MROH2B: variants seen among roughly 807,000 people sequenced by gnomAD.
MROH2B encodes the protein maestro heat-like repeat-containing protein family member 2B.
MROH2B carries 177 observed loss-of-function variants against 208.6 expected under a neutral mutation model. The observed-to-expected ratio is 0.85, with a 90% CI of 0.75 to 0.96. MROH2B has a LOEUF of 0.96. MROH2B is among the 40% of genes least tolerant of loss of function. The pLI is 0.00. For synonymous variants in MROH2B, 728 were observed against 659.0 expected, an observed-to-expected ratio of 1.10 and a Z score of -1.60; for missense variants, 2,002 against 1,878.7, an observed-to-expected ratio of 1.07 and a Z score of -1.21.
chr5:41,007,348 T>G lies in MROH2B; in HGVS notation c.3715A>C (p.Ser1239Arg). The G allele has an allele frequency of 6.5e-7, 1 of 1,533,144 alleles. No individual in the cohort carries two copies. Among genetic ancestry groups the G allele is most frequent in the Non-Finnish European group, 8.8e-7 (1 of 1,137,264 alleles). 95.0% of individuals were successfully genotyped at this position (1,533,144 alleles called of 1,614,324 possible). ...DNLWTLLSSP[S>R]THHIGVCSLA... ...GAACATACGCCTATGTGGTGGGTAC[T>G]AGGACTGCTGAGTAGAGTCCATAAG... Residue 1239 changes from serine to arginine, a missense_variant, in exon 34 of 42, where the codon AGT becomes CGT. Coordinates refer to ENST00000399564, the MANE Select transcript of MROH2B (RefSeq NM_173489.5).
At position 41,004,841 on chromosome 5, in the gene MROH2B, G is replaced by A. The variant is rs374634304; in HGVS notation, c.3944C>T (p.Ser1315Phe). The stretch of plus-strand genomic sequence containing the variant: ...GGCCATCTGCCTCAGAGTGGCGTTG[G>A]AGTCCCAGGCACTTTGATCCATCAA... Reference protein sequence around the residue: ...LILMDQSAWDSNATLRQMAIR... With the variant: ...LILMDQSAWDFNATLRQMAIR... Residue 1315 changes from serine (S) to phenylalanine (F), a missense_variant, in exon 36 of 42, where the codon TCC becomes TTC. Ser to Phe is a radical substitution (Grantham distance 155, BLOSUM62 -2). Transcript: ENST00000399564. The A allele has an allele frequency of 1.2e-6, 2 of 1,613,932 alleles. No individual in the cohort carries two copies. The highest frequency in any genetic ancestry group is 1.3e-5 in the African/African-American group (1 of 74,950).
intron 17 of MROH2B, among the ~76,000 whole-genome samples, chr5:41,046,071 G>A (rs747428178): frequency 3.9e-5 from 6 of 152,058 alleles, no homozygotes; most frequent in Non-Finnish European, 8.8e-5. Context: ...AAGATACACA[G>A]AATGTGGAAA....
chr5:40,999,720 G>A lies in MROH2B; in HGVS notation c.4542C>T (p.Thr1514=). 3.1e-6 allele frequency: 5 copies of A among 1,613,676 alleles called. No individual in the cohort carries two copies. The highest frequency in any genetic ancestry group is 4.2e-6 in the Non-Finnish European group (5 of 1,179,674). ...CACTCCTGATCACCTCCCAGGTGCT[G>A]GTGAAGAAGGTGAAGGAGTGTGTGT... is the stretch of plus-strand genomic sequence containing the variant. ...ILHTHSFTFF[T]STWEVIRSAA... The change falls in exon 40 of 42, where the codon ACC becomes ACT. Residue 1514 remains threonine (T), a synonymous_variant. Coordinates refer to ENST00000399564, the MANE Select transcript of MROH2B (RefSeq NM_173489.5).
In MROH2B at chr5:41,025,619, G is replaced by A. The variant is rs550316053; in HGVS notation, c.2442-6601C>T. Among the ~76,000 whole-genome samples, 233 of 152,220 alleles carry A rather than the reference G, an allele frequency of 1.5e-3. 1 individual carries two copies. The highest frequency in any genetic ancestry group is 5.4e-3 in the African/African-American group (225 of 41,528). ...TCTACCAGAGGTACAAGGAGGAGCCGGTACCATTCCTTCTGAAACTATTCC... is the reference window on the plus strand; with the variant it reads ...TCTACCAGAGGTACAAGGAGGAGCCAGTACCATTCCTTCTGAAACTATTCC... On this transcript the variant is annotated intron_variant, in intron 24 of 41. Transcript: ENST00000399564.
At position 41,024,626 on chromosome 5, in the gene MROH2B, T is replaced by C. The variant is rs563918491; in HGVS notation, c.2442-5608A>G. On this transcript the variant is annotated intron_variant, in intron 24 of 41. Transcript: ENST00000399564. ...CCACTGTCAACATTAGACAGATCAA[T>C]AAGACAGAAAGTTAACAAGGATATC... 3.2e-3 allele frequency among the ~76,000 whole-genome samples: 488 copies of C among 152,184 alleles called. 2 individuals are homozygous for C. Among genetic ancestry groups the C allele is most frequent in the African/African-American group, 0.011 (462 of 41,534 alleles).
intron 7 of MROH2B, among the ~76,000 whole-genome samples, chr5:41,057,563 C>CTTTTTTTTTTTTTTTTTTCTTTTTT (rs776904759): frequency 1.5e-4 from 11 of 73,252 alleles, no homozygotes; most frequent in Admixed American, 7.0e-4. Context: ...AATATCCCTC[C>CTTTTTTTTTTTTTTTTTTCTTTTTT]TTTTTTTTTT....
At chr5:41,054,556 T>A (rs1257680782) in intron 11 of MROH2B, among the ~76,000 whole-genome samples, 3 of 152,250 alleles carry the variant, frequency 2.0e-5, no homozygotes, top group African/African-American at 7.2e-5. Context: ...AAAATCTTCT[T>A]CTTTTCACTG....
At chr5:41,040,168 G>A (rs1015234624) in intron 19 of MROH2B, among the ~76,000 whole-genome samples, 2 of 152,104 alleles carry the variant, frequency 1.3e-5, no homozygotes, top group Admixed American at 6.6e-5. Flanking sequence ...TTTTCAGCTT[G>A]AATTGACTGA....
At chr5:41,003,411 A>G (rs775706028) in intron 37 of MROH2B, among the ~76,000 whole-genome samples, 1 of 152,212 alleles carries the variant, frequency 6.6e-6, no homozygotes, top group Non-Finnish European at 1.5e-5. Context: ...ACTAAAATCT[A>G]GAGGTTCATA....
chr5:41,044,627 C>T (rs1394170092), intron 18 of MROH2B, among the ~76,000 whole-genome samples: 1 of 152,098 alleles, frequency 6.6e-6, no homozygotes, highest in African/African-American at 2.4e-5. Context: ...GCATTACTCG[C>T]CAAATTTTCC....
rs781659189 is a variant in MROH2B at position 41,047,730 on chromosome 5, C to T, written c.1719G>A (p.Met573Ile). 14 of 1,595,066 alleles carry T rather than the reference C, an allele frequency of 8.8e-6. No homozygotes were observed. Among genetic ancestry groups the T allele is most frequent in the Non-Finnish European group, 1.2e-5 (14 of 1,169,908 alleles). The change falls in exon 17 of 42, where the codon ATG becomes ATA. Residue 573 changes from methionine (M) to isoleucine (I), a missense_variant. Coordinates refer to ENST00000399564, the MANE Select transcript of MROH2B (RefSeq NM_173489.5). ...KNISTVLWETMLLQLLKESLW... is the reference protein window; with the variant it reads ...KNISTVLWETILLQLLKESLW... ...TAGAAGCCAGCCTTACCTGAAGCAGCATGGTTTCCCATAGAACGGTACTGA... is the reference window on the plus strand; with the variant it reads ...TAGAAGCCAGCCTTACCTGAAGCAGTATGGTTTCCCATAGAACGGTACTGA...
rs566162189 is a variant in MROH2B, at chr5:41,058,090, G to C, written c.729C>G (p.Asp243Glu). 17 of 1,601,062 alleles carry C rather than the reference G, an allele frequency of 1.1e-5. No individual in the cohort carries two copies. The South Asian group carries it at 1.9e-4, about 18-fold the overall frequency. ...QVPWLLNQYK[D>E]KEIDFHVTQS... is the part of the protein sequence containing the mutation. The stretch of plus-strand genomic sequence containing the variant: ...GAGTGACATGGAAATCAATCTCTTT[G>C]TCTTTATACTGGTTCAGGAGCCAGG... Residue 243 changes from aspartate (D) to glutamate (E), a missense_variant, in exon 7 of 42, where the codon GAC becomes GAG. Transcript: ENST00000399564.
Position 41,010,024 on chromosome 5 carries a change from T to C in MROH2B, c.3191A>G (p.Glu1064Gly), listed in dbSNP as rs375537851. The C allele has an allele frequency of 1.8e-5, 29 of 1,613,798 alleles. No individual in the cohort carries two copies. In the Admixed American group the frequency reaches 2.8e-4, roughly 16 times the overall value. ...TTCTAGAATGAACTGAAAACTTTCTTCTTTTTGTCTGAGGACTGGCATGTG... is the reference window on the plus strand; with the variant it reads ...TTCTAGAATGAACTGAAAACTTTCTCCTTTTTGTCTGAGGACTGGCATGTG... Reference protein sequence around the residue: ...YHHMPVLRQKEESFQFILEAI... With the variant: ...YHHMPVLRQKGESFQFILEAI... The change falls in exon 31 of 42, where the codon GAA becomes GGA. Residue 1064 changes from glutamate to glycine, a missense_variant. Physicochemically the swap from Glu to Gly is moderately conservative, Grantham distance 98. Transcript: ENST00000399564.
chr5:40,999,586 A>T, intron 40 of MROH2B, 91 bp downstream of exon 40: 2 of 986,766 alleles, frequency 2.0e-6, no homozygotes, highest in Non-Finnish European at 3.0e-6. Flanking sequence ...TACCAGTCCT[A>T]CTAGTGTTCA....
intron 38 of MROH2B, 80 bp from the exon 39 acceptor site, chr5:41,000,431 G>T: frequency 3.3e-6 from 5 of 1,538,442 alleles, no homozygotes; most frequent in Non-Finnish European, 4.4e-6. Flanking sequence ...GAATAGTACT[G>T]GGAAAGAAGC....
intron 6 of MROH2B, among the ~76,000 whole-genome samples, chr5:41,059,207 T>C (rs1040088450): frequency 1.1e-4 from 17 of 152,078 alleles, no homozygotes; most frequent in African/African-American, 3.9e-4. Flanking sequence ...CCCATTCACC[T>C]CTCAATCCAC....
intron 18 of MROH2B, among the ~76,000 whole-genome samples, chr5:41,044,985 C>T (rs325858): frequency 0.81 from 123,456 of 151,956 alleles, 50,920 homozygotes; most frequent in Non-Finnish European, 0.89. Flanking sequence ...TTCTATTTTA[C>T]TGATGAGTAT....
At chr5:41,026,577 G>A (rs990546099) in intron 24 of MROH2B, among the ~76,000 whole-genome samples, 12 of 152,248 alleles carry the variant, frequency 7.9e-5, no homozygotes, top group African/African-American at 2.9e-4. Context: ...CTCATGGATA[G>A]GAAGAATCAA....
rs182349094 is a variant in MROH2B, at chr5:41,007,506, G to A, written c.3609-52C>T. On this transcript the variant is annotated intron_variant, in intron 33 of 41. Transcript: ENST00000399564. Reference sequence around the variant, plus strand: ...ACTAAGTTGACCCTTATAGGGAATTGCAAATTCCCAAGTTTGCCTTTCCAC... The same window carrying A: ...ACTAAGTTGACCCTTATAGGGAATTACAAATTCCCAAGTTTGCCTTTCCAC... The A allele has an allele frequency of 3.6e-6, 5 of 1,379,732 alleles. No homozygotes were observed. In the East Asian group the frequency reaches 1.4e-4, roughly 38 times the overall value. The allele number at this position is 1,379,732 out of a possible 1,614,324, so 85.5% of individuals were successfully genotyped here.
Sources: gnomAD v4.1 joint callset for allele counts (sites outside exome capture counted in the v4.1 genomes callset) on GRCh38, gnomAD v4.1.1 for gene constraint, MANE v1.5 for transcripts, NCBI Gene and HGNC (gene_info 2026-07-23, HGNC 2026-07-21) for gene names.